The following DBT variants were observed in gnomAD, a reference collection of about 807,000 sequenced individuals.
DBT encodes dihydrolipoamide branched chain transacylase E2, also known as lipoamide acyltransferase component of branched-chain alpha-keto acid dehydrogenase complex, mitochondrial.
DBT carries 40 observed loss-of-function variants against 51.3 expected under a neutral mutation model. The ratio of observed to expected loss-of-function variants is 0.78; its 90% confidence interval spans 0.61 to 1.02. The LOEUF (loss-of-function observed/expected upper bound fraction) is 1.02. Ranked by LOEUF, DBT falls within the 50% of genes least tolerant of loss-of-function variation. The probability of loss-of-function intolerance (pLI) is 0.00; values close to 1 mark genes in which losing one functional copy is unlikely to be tolerated. For synonymous variants in DBT, 181 were observed against 190.4 expected, an observed-to-expected ratio of 0.95 and a Z score of 0.41; for missense variants, 510 against 580.2, an observed-to-expected ratio of 0.88 and a Z score of 1.24.
chr1:100,212,357 C>T (rs1026015887), intron 7 of DBT, among the ~76,000 whole-genome samples: 3 of 151,516 alleles, frequency 2.0e-5, no homozygotes, highest in African/African-American at 4.9e-5. Flanking sequence ...GGCAGCACTG[C>T]GAGACACATC....
chr1:100,218,740 T>C lies in DBT; in HGVS notation c.441A>G (p.Glu147=), dbSNP rs1340945964. The C allele has an allele frequency of 6.2e-7, 1 of 1,613,852 alleles. No homozygotes were observed. The highest frequency in any genetic ancestry group is 8.5e-7 in the Non-Finnish European group (1 of 1,179,912). The change falls in exon 5 of 11, where the codon GAA becomes GAG. Residue 147 remains glutamate, a synonymous_variant. Transcript: ENST00000370132. ...CTGCAGGAGTTTCAACAACATCTTC[T>C]TCTGAATCTGGTAACAAGGTAAAAC... is the stretch of plus-strand genomic sequence containing the variant. ...DIETEALKDS[E]EDVVETPAVS... is the part of the protein sequence containing the mutation.
At chr1:100,243,940 GAA>G (rs111614499) in intron 1 of DBT, among the ~76,000 whole-genome samples, 5 of 136,102 alleles carry the variant, frequency 3.7e-5, no homozygotes, top group African/African-American at 8.5e-5. Context: ...ATAGGTTTAC[GAA>G]AAAAAAAAAA....
At chr1:100,215,511 C>T (rs1662422304) in intron 6 of DBT, among the ~76,000 whole-genome samples, 1 of 152,150 alleles carries the variant, frequency 6.6e-6, no homozygotes, top group Admixed American at 6.6e-5. Flanking sequence ...CCTGGAAAAG[C>T]TATGCTATTT....
chr1:100,247,396 G>C (rs866722319), intron 1 of DBT, among the ~76,000 whole-genome samples: 1 of 152,166 alleles, frequency 6.6e-6, no homozygotes, highest in African/African-American at 2.4e-5. Flanking sequence ...GAGAATTACA[G>C]GCTCAAATCA....
chr1:100,218,819 C>A, intron 4 of DBT, 72 bp from the exon 5 acceptor site: 1 of 1,238,698 alleles, frequency 8.1e-7, no homozygotes, highest in Admixed American at 1.8e-5. Context: ...AAAGTAAGGC[C>A]ACTAAGATGT....
rs138796800 is a variant in DBT at position 100,230,839 on chromosome 1, G to A, written c.327C>T (p.Thr109=). ...TGACTCCATCATAACGACTAGTGAT[G>A]GTAACAGAAGCTTTATCACTTTGAA... ...CEVQSDKASV[T]ITSRYDGVIK... Residue 109 remains threonine, a synonymous_variant, in exon 4 of 11, where the codon ACC becomes ACT. Coordinates refer to ENST00000370132, the MANE Select transcript of DBT (RefSeq NM_001918.5). 1,659 of 1,604,616 alleles carry A rather than the reference G, an allele frequency of 1.0e-3. 3 individuals carry two copies. Among genetic ancestry groups the A allele is most frequent in the South Asian group, 1.9e-3 (169 of 90,886 alleles).
intron 7 of DBT, chr1:100,213,658 C>T: frequency 1.9e-6 from 3 of 1,610,768 alleles, no homozygotes; most frequent in Non-Finnish European, 2.5e-6. Flanking sequence ...ACTGTGGAGC[C>T]ACCTTCGCTT....
At chr1:100,223,462 GT>G (rs1171010963) in intron 4 of DBT, among the ~76,000 whole-genome samples, 5 of 152,074 alleles carry the variant, frequency 3.3e-5, no homozygotes, top group African/African-American at 1.2e-4. Flanking sequence ...TTTTTTGTTT[GT>G]TTTGTGTGTG....
At chr1:100,198,121 G>A (rs1393170701) in intron 10 of DBT, among the ~76,000 whole-genome samples, 2 of 152,140 alleles carry the variant, frequency 1.3e-5, no homozygotes, top group African/African-American at 2.4e-5. Context: ...AATATTCATT[G>A]ATGGATGAAT....
intron 2 of DBT, 66 bp downstream of exon 2, chr1:100,240,695 T>G: frequency 7.4e-7 from 1 of 1,345,262 alleles, no homozygotes; most frequent in Non-Finnish European, 1.1e-6. Flanking sequence ...AATCAACTAC[T>G]AAAAAATATT....
intron 4 of DBT, among the ~76,000 whole-genome samples, chr1:100,219,080 A>G (rs1252671486): frequency 1.3e-5 from 2 of 152,164 alleles, no homozygotes; most frequent in Non-Finnish European, 2.9e-5. Flanking sequence ...GGCTAGGTAC[A>G]GTGGCTCACG....
At chr1:100,198,125 GATGAATGTATAAACAAAACATGGC>G (rs1219883784) in intron 10 of DBT, among the ~76,000 whole-genome samples, 1 of 152,118 alleles carries the variant, frequency 6.6e-6, no homozygotes, top group Non-Finnish European at 1.5e-5. Flanking sequence ...TTCATTGATG[GATGAATGTATAAACAAAACATGGC>G]ATACATTTAT....
At chr1:100,214,524 G>A (rs1433551976) in intron 7 of DBT, among the ~76,000 whole-genome samples, 1 of 152,116 alleles carries the variant, frequency 6.6e-6, no homozygotes, top group African/African-American at 2.4e-5. Context: ...AGGCTGGGGC[G>A]GGGGTGGATC....
intron 10 of DBT, among the ~76,000 whole-genome samples, chr1:100,199,104 G>T (rs1661277498): frequency 6.6e-6 from 1 of 152,138 alleles, no homozygotes; most frequent in Non-Finnish European, 1.5e-5. Flanking sequence ...GGTAGAGGGG[G>T]AGCTTGGCCA....
At chr1:100,243,529 C>T (rs1664353198) in intron 1 of DBT, among the ~76,000 whole-genome samples, 1 of 151,854 alleles carries the variant, frequency 6.6e-6, no homozygotes. Flanking sequence ...ATTATGTTGC[C>T]CAGGGTGCTC....
rs368240992 is a variant in DBT, at chr1:100,226,963, G to A, written c.433+3770C>T. ...TATGTTCTGAGAAATGCATTGCTAG[G>A]TGATTTCACAATTATCCAAACTTGA... On this transcript the variant is annotated intron_variant, in intron 4 of 10. Coordinates refer to ENST00000370132, the MANE Select transcript of DBT (RefSeq NM_001918.5). Among the ~76,000 whole-genome samples the A allele has an allele frequency of 5.3e-5, 8 of 152,254 alleles. No homozygotes were observed. The East Asian group carries it at 1.2e-3, about 22-fold the overall frequency.
rs367578706 is a variant in DBT, at chr1:100,191,332, G to A, written c.*4923C>T. 1 of 152,046 alleles carries A rather than the reference G, an allele frequency of 6.6e-6. No individual in the cohort carries two copies. Among genetic ancestry groups the A allele is most frequent in the African/African-American group, 2.4e-5 (1 of 41,400 alleles). 9.4% of individuals were successfully genotyped at this position (152,046 alleles called of 1,614,324 possible). ...AAGAAAATACAAATGTTTTTTGTTG[G>A]AGAAATTATAAAATCTTGGAATTGT... is the stretch of plus-strand genomic sequence containing the variant. On this transcript the variant is annotated 3_prime_UTR_variant, in exon 11 of 11. Transcript: ENST00000370132.
At position 100,216,123 on chromosome 1, in the gene DBT, T is replaced by C. The variant is rs1314625574; in HGVS notation, c.632A>G (p.Lys211Arg). ...LKEDILNYLEKQTGAILPPSP... is the reference protein window; with the variant it reads ...LKEDILNYLERQTGAILPPSP... ...AGGAGGCAATATAGCTCCTGTCTGCTTTTCCAAATAGTTGAGGATATCTTC... is the reference window on the plus strand; with the variant it reads ...AGGAGGCAATATAGCTCCTGTCTGCCTTTCCAAATAGTTGAGGATATCTTC... The change falls in exon 6 of 11, where the codon AAG (lysine) becomes AGG (arginine). Residue 211 changes from lysine to arginine, a missense_variant. Coordinates refer to ENST00000370132, the MANE Select transcript of DBT (RefSeq NM_001918.5). The C allele has an allele frequency of 6.2e-6, 10 of 1,613,932 alleles. No individual in the cohort carries two copies. Among genetic ancestry groups the C allele is most frequent in the Non-Finnish European group, 7.6e-6 (9 of 1,179,826 alleles).
At chr1:100,228,211 TTAAA>T (rs1663337639) in intron 4 of DBT, among the ~76,000 whole-genome samples, 1 of 152,088 alleles carries the variant, frequency 6.6e-6, no homozygotes, top group African/African-American at 2.4e-5. Context: ...GAGGAACAAG[TTAAA>T]TAACACCACA....
Sources: gnomAD v4.1 joint callset for allele counts (sites outside exome capture counted in the v4.1 genomes callset) on GRCh38, gnomAD v4.1.1 for gene constraint, MANE v1.5 for transcripts, NCBI Gene and HGNC (gene_info 2026-07-23, HGNC 2026-07-21) for gene names.